The following ROCK2 variants were observed in gnomAD, a reference collection of about 807,000 sequenced individuals.
ROCK2 encodes the protein Rho associated coiled-coil containing protein kinase 2.
A neutral mutation model predicts 195.1 loss-of-function variants in ROCK2; 61 were observed. That is an observed-to-expected ratio of 0.31 (90% CI 0.25 to 0.39). The LOEUF is 0.39. ROCK2 is among the 10% of genes least tolerant of loss of function. The pLI, the probability that ROCK2 is intolerant of heterozygous loss-of-function variation, is 1.00. For missense variants in ROCK2, 1,109 were observed against 1,637.4 expected, an observed-to-expected ratio of 0.68 and a Z score of 5.57; for synonymous variants, 504 against 545.5, an observed-to-expected ratio of 0.92 and a Z score of 1.06.
At chr2:11,330,069 A>G (rs142595059) in intron 1 of ROCK2, among the ~76,000 whole-genome samples, 20 of 152,308 alleles carry the variant, frequency 1.3e-4, no homozygotes, top group African/African-American at 4.6e-4. Flanking sequence ...TCATCACCAG[A>G]TTGTAAAATG....
chr2:11,310,391 T>C (rs1314905978), intron 1 of ROCK2, among the ~76,000 whole-genome samples: 1 of 151,450 alleles, frequency 6.6e-6, no homozygotes, highest in African/African-American at 2.4e-5. Context: ...ATTCCTACAA[T>C]TAACATGCCT....
At chr2:11,343,922 C>T in intron 1 of ROCK2, 74 bp downstream of exon 1, 2 of 1,500,012 alleles carry the variant, frequency 1.3e-6, no homozygotes, top group Middle Eastern at 1.8e-4. Context: ...GGCGGACGGG[C>T]ACGGAGGGCT....
intron 4 of ROCK2, among the ~76,000 whole-genome samples, chr2:11,236,250 A>G (rs1028897399): frequency 6.6e-6 from 1 of 152,170 alleles, no homozygotes; most frequent in African/African-American, 2.4e-5. Flanking sequence ...AGAAAGAAAC[A>G]AACAGGAATA....
intron 3 of ROCK2, among the ~76,000 whole-genome samples, chr2:11,259,919 T>C (rs1351732105): frequency 6.6e-6 from 1 of 151,438 alleles, no homozygotes. Flanking sequence ...TTGATTTGTA[T>C]ACTGTTGTAA....
At chr2:11,286,879 TATTCTGTTTCTG>T (rs1341987625) in intron 2 of ROCK2, among the ~76,000 whole-genome samples, 1 of 152,182 alleles carries the variant, frequency 6.6e-6, no homozygotes, top group Non-Finnish European at 1.5e-5. Flanking sequence ...CAGTTACAGC[TATTCTGTTTCTG>T]ATTCTGTTGC....
chr2:11,339,884 C>G (rs994011237), intron 1 of ROCK2, among the ~76,000 whole-genome samples: 3 of 152,158 alleles, frequency 2.0e-5, no homozygotes, highest in Non-Finnish European at 4.4e-5. Context: ...CTTCTACAGG[C>G]TAGTGTTCCA....
intron 9 of ROCK2, 148 bp downstream of exon 9, chr2:11,221,050 A>T: frequency 3.9e-6 from 2 of 514,640 alleles, no homozygotes; most frequent in Non-Finnish European, 6.5e-6. Context: ...CAGAAATAAT[A>T]AAATAAAATT....
intron 3 of ROCK2, among the ~76,000 whole-genome samples, chr2:11,282,962 C>G: frequency 6.6e-6 from 1 of 152,128 alleles, no homozygotes; most frequent in East Asian, 1.9e-4. Context: ...CCTGAACAGA[C>G]ACTTCATCAA....
Position 11,259,894 on chromosome 2 carries a change from G to A in ROCK2, c.325-10096C>T, listed in dbSNP as rs536495664. The stretch of plus-strand genomic sequence containing the variant: ...ATCTTTTATATTAAATGACCAAGCT[G>A]GAGTAACAATTCCTTTGATTTGTAT... On this transcript the variant is annotated intron_variant, in intron 3 of 32. Coordinates refer to ENST00000315872, the MANE Select transcript of ROCK2 (RefSeq NM_004850.5). Among the ~76,000 whole-genome samples, 20 of 151,342 alleles carry A rather than the reference G, an allele frequency of 1.3e-4. 2 individuals carry two copies. The highest frequency in any genetic ancestry group is 4.9e-4 in the African/African-American group (20 of 40,716).
In ROCK2 at chr2:11,200,981, C is replaced by T. The variant is rs182682647; in HGVS notation, c.2886G>A (p.Thr962=). 87 of 1,594,232 alleles carry T rather than the reference C, an allele frequency of 5.5e-5. No homozygotes were observed. The highest frequency in any genetic ancestry group is 6.7e-5 in the East Asian group (3 of 44,720). ...EMMARHKQEL[T]EKDATIASLE... is the part of the protein sequence containing the mutation. ...CAGAAGCAATTGTAGCATCTTTTTC[C>T]GTAAGTTCCTGTTTGTGTCTAGCCA... Residue 962 remains threonine (T), a synonymous_variant, in exon 23 of 33, where the codon ACG becomes ACA. Coordinates refer to ENST00000315872, the MANE Select transcript of ROCK2 (RefSeq NM_004850.5).
At chr2:11,308,592 T>G (rs1261784458) in intron 1 of ROCK2, 80 of 1,497,050 alleles carry the variant, frequency 5.3e-5, no homozygotes, top group Non-Finnish European at 6.6e-5. Context: ...TATATTACAG[T>G]TAGTGTAAAG....
intron 3 of ROCK2, among the ~76,000 whole-genome samples, chr2:11,278,319 T>G (rs1666894754): frequency 6.6e-6 from 1 of 152,242 alleles, no homozygotes; most frequent in Non-Finnish European, 1.5e-5. Flanking sequence ...GTGGTATTCT[T>G]TCTGTGCCTG....
chr2:11,292,654 G>C (rs1667398023), intron 1 of ROCK2, among the ~76,000 whole-genome samples: 1 of 152,194 alleles, frequency 6.6e-6, no homozygotes, highest in Non-Finnish European at 1.5e-5. Context: ...ATATTTCTGT[G>C]TATCTGCTGT....
At chr2:11,226,156 G>T (rs550224290) in intron 6 of ROCK2, among the ~76,000 whole-genome samples, 13 of 152,132 alleles carry the variant, frequency 8.5e-5, no homozygotes, top group African/African-American at 3.1e-4. Flanking sequence ...ACTTGCCTTG[G>T]AAAGTGGATT....
chr2:11,248,839 T>C (rs1406179810), intron 4 of ROCK2, among the ~76,000 whole-genome samples: 2 of 151,786 alleles, frequency 1.3e-5, no homozygotes, highest in Non-Finnish European at 2.9e-5. Flanking sequence ...TAAATGTTTA[T>C]TGTAGGAAGT....
intron 1 of ROCK2, among the ~76,000 whole-genome samples, chr2:11,340,855 G>A (rs1464062525): frequency 6.6e-6 from 1 of 152,104 alleles, no homozygotes; most frequent in African/African-American, 2.4e-5. Flanking sequence ...TTACCCAAGC[G>A]TGAGTCCTAC....
Position 11,287,725 on chromosome 2 carries a change from AT to A in ROCK2, c.152del (p.Asn51IlefsTer7). On this transcript the variant is annotated frameshift_variant, in exon 2 of 33. Transcript: ENST00000315872. LOFTEE classifies it high-confidence loss of function. ...GAAAATCTAAATCAAGGACCAAGGA[AT>A]TTAAGCCATCCTGTTAAGAAATAAA... ...INVESLLDGL[N>X]SLVLDLDFPA... is the part of the protein sequence containing the mutation. The A allele has an allele frequency of 7.7e-7, 1 of 1,306,150 alleles. No individual in the cohort carries two copies. Among genetic ancestry groups the A allele is most frequent in the Non-Finnish European group, 1.0e-6 (1 of 975,748 alleles). 80.9% of individuals were successfully genotyped at this position (1,306,150 alleles called of 1,614,324 possible).
chr2:11,228,655 T>C (rs1352862686), intron 5 of ROCK2, among the ~76,000 whole-genome samples: 1 of 152,036 alleles, frequency 6.6e-6, no homozygotes, highest in Non-Finnish European at 1.5e-5. Flanking sequence ...AAAAAATCAA[T>C]AGAGGCTTAT....
Position 11,215,153 on chromosome 2 carries a change from T to G in ROCK2, c.1690-67A>C, listed in dbSNP as rs565541010. 34 of 1,567,612 alleles carry G rather than the reference T, an allele frequency of 2.2e-5. No homozygotes were observed. The South Asian group carries it at 3.9e-4, about 18-fold the overall frequency. On this transcript the variant is annotated intron_variant, in intron 15 of 32. Coordinates refer to ENST00000315872, the MANE Select transcript of ROCK2 (RefSeq NM_004850.5). ...CATGTATGTAATGAAAATAAGTCAA[T>G]GTATTCCCCCATTAGAAACTATTTA...
Sources: allele counts gnomAD v4.1 joint callset (sites outside exome capture counted in the v4.1 genomes callset), GRCh38; gene constraint gnomAD v4.1.1; transcripts MANE v1.5; gene names NCBI Gene and HGNC (gene_info 2026-07-23, HGNC 2026-07-21).